Variants in STRN3 observed in about 807,000 individuals in gnomAD.
STRN3 encodes striatin-3.
Under a neutral mutation model 95.6 loss-of-function variants are expected in STRN3, and 29 were observed. That is an observed-to-expected ratio of 0.30 (90% CI 0.23 to 0.41). The LOEUF (loss-of-function observed/expected upper bound fraction) is 0.41. STRN3 is among the 10% of genes least tolerant of loss of function. The pLI, the probability that STRN3 is intolerant of heterozygous loss-of-function variation, is 1.00. For synonymous variants in STRN3, 331 were observed against 357.6 expected (o/e 0.93, Z 0.84); for missense variants, 890 against 972.1 (o/e 0.92, Z 1.12).
At chr14:30,913,278 G>A (rs1256906324) in intron 10 of STRN3, among the ~76,000 whole-genome samples, 2 of 151,882 alleles carry the variant, frequency 1.3e-5, no homozygotes, top group African/African-American at 4.8e-5. Flanking sequence ...TACTCAAGAT[G>A]TATTTACTGA....
chr14:30,991,371 G>A (rs1186050499), intron 1 of STRN3, among the ~76,000 whole-genome samples: 35 of 152,102 alleles, frequency 2.3e-4, no homozygotes, highest in Non-Finnish European at 1.5e-5. Context: ...ATCATACATA[G>A]GGCAATACAA....
intron 7 of STRN3, among the ~76,000 whole-genome samples, chr14:30,933,302 A>AAAC (rs1878646524): frequency 6.6e-6 from 1 of 150,706 alleles, no homozygotes; most frequent in Non-Finnish European, 1.5e-5. Flanking sequence ...AAAAAAAAAA[A>AAAC]AAACGATGCA....
chr14:31,014,964 A>AT (rs1354880367), intron 1 of STRN3, among the ~76,000 whole-genome samples: 2 of 151,942 alleles, frequency 1.3e-5, no homozygotes, highest in Non-Finnish European at 2.9e-5. Context: ...AGTAGGTGGG[A>AT]TTACAGGCAT....
chr14:31,014,813 T>TA (rs527397877), intron 1 of STRN3: 60,463 of 338,982 alleles, frequency 0.18, 43 homozygotes, highest in South Asian at 0.28. Flanking sequence ...AAAACCACTT[T>TA]AAAAAAAAAA....
intron 7 of STRN3, among the ~76,000 whole-genome samples, chr14:30,932,891 C>A (rs577638666): frequency 6.6e-6 from 1 of 152,082 alleles, no homozygotes; most frequent in Non-Finnish European, 1.5e-5. Flanking sequence ...CGATCATTTT[C>A]TTTTTAATGA....
In STRN3 at chr14:30,894,691, A is replaced by G. The variant is rs1896079833; in HGVS notation, c.*720T>C. 5.8e-6 allele frequency: 1 copy of G among 173,694 alleles called. No homozygotes were observed. The highest frequency in any genetic ancestry group is 6.4e-5 in the Admixed American group (1 of 15,748). The allele number at this position is 173,694 out of a possible 1,614,324, so 10.8% of individuals were successfully genotyped here. A position where few individuals can be genotyped will look rare whatever the true frequency, so the allele number is the denominator to read the frequency against. On this transcript the variant is annotated 3_prime_UTR_variant, in exon 18 of 18. Transcript: ENST00000357479. ...GGACTTAGCTGAGCTGTATTAGGCA[A>G]AAGAAGGAAAGAAAGTGGTTACAGG...
At chr14:30,966,956 CCAGGACAAG>C (rs1396209874) in intron 1 of STRN3, among the ~76,000 whole-genome samples, 1 of 151,850 alleles carries the variant, frequency 6.6e-6, no homozygotes, top group East Asian at 1.9e-4. Flanking sequence ...GGTCAACCTC[CCAGGACAAG>C]CAGGACAAGA....
At chr14:30,922,901 A>G (rs954033755) in intron 8 of STRN3, among the ~76,000 whole-genome samples, 1 of 152,196 alleles carries the variant, frequency 6.6e-6, no homozygotes, top group African/African-American at 2.4e-5. Context: ...TAGGCAAAAT[A>G]CCTAAGTTAT....
At chr14:30,935,327 G>T (rs1200583743) in intron 6 of STRN3, 23 bp from the exon 7 acceptor site, 18 of 1,602,594 alleles carry the variant, frequency 1.1e-5, no homozygotes, top group Non-Finnish European at 1.4e-5. Context: ...TATAAACCAA[G>T]AATTACTTTT....
chr14:30,902,291 G>C (rs887580481), intron 16 of STRN3, among the ~76,000 whole-genome samples: 5 of 149,976 alleles, frequency 3.3e-5, no homozygotes, highest in African/African-American at 1.2e-4. Context: ...ATTTCAAATG[G>C]AAGGATCTAC....
intron 5 of STRN3, among the ~76,000 whole-genome samples, chr14:30,945,817 G>A (rs936210344): frequency 1.3e-5 from 2 of 152,182 alleles, no homozygotes; most frequent in African/African-American, 4.8e-5. Context: ...ACAGAGAGTA[G>A]ATTAGTGGTA....
intron 5 of STRN3, among the ~76,000 whole-genome samples, chr14:30,946,721 T>A (rs1827873958): frequency 6.6e-6 from 1 of 152,210 alleles, no homozygotes; most frequent in Non-Finnish European, 1.5e-5. Context: ...CTCACGCCTG[T>A]AATCCCAGCA....
intron 1 of STRN3, among the ~76,000 whole-genome samples, chr14:31,004,805 G>A (rs1244098073): frequency 6.6e-6 from 1 of 151,910 alleles, no homozygotes; most frequent in East Asian, 1.9e-4. Flanking sequence ...TTAAATCTTG[G>A]GGGAAAGTGA....
chr14:30,902,706 C>A (rs376883112), intron 15 of STRN3, 63 bp from the exon 16 acceptor site: 10 of 1,037,780 alleles, frequency 9.6e-6, no homozygotes, highest in South Asian at 7.2e-5. Flanking sequence ...TGGATAATGG[C>A]CTTTTTAATC....
chr14:30,929,160 A>T (rs1463503852), intron 8 of STRN3, 41 bp downstream of exon 8: 2 of 1,501,408 alleles, frequency 1.3e-6, no homozygotes, highest in Admixed American at 2.1e-5. Context: ...TTTCTCAATT[A>T]TTGGTATACA....
intron 1 of STRN3, among the ~76,000 whole-genome samples, chr14:30,989,306 T>C (rs1881838594): frequency 6.6e-6 from 1 of 152,152 alleles, no homozygotes; most frequent in African/African-American, 2.4e-5. Context: ...CACCCATACC[T>C]GGAAGAGATG....
chr14:30,963,536 G>A (rs1286984088), intron 1 of STRN3, among the ~76,000 whole-genome samples: 2 of 152,146 alleles, frequency 1.3e-5, no homozygotes, highest in African/African-American at 2.4e-5. Flanking sequence ...AGCCTCCCGA[G>A]TAGCTGGGAC....
intron 1 of STRN3, among the ~76,000 whole-genome samples, chr14:30,974,997 C>A (rs541210628): frequency 8.0e-5 from 12 of 150,568 alleles, no homozygotes; most frequent in African/African-American, 2.2e-4. Flanking sequence ...GAGGTGCCTG[C>A]GCTGCCTGTG....
intron 6 of STRN3, 96 bp downstream of exon 6, chr14:30,936,399 G>T: frequency 7.4e-7 from 1 of 1,356,860 alleles, no homozygotes; most frequent in South Asian, 1.5e-5. Context: ...AAGTAAAGAT[G>T]ATCAATCACT....
Sources: allele counts gnomAD v4.1 joint callset (sites outside exome capture counted in the v4.1 genomes callset), GRCh38; gene constraint gnomAD v4.1.1; transcripts MANE v1.5; gene names NCBI Gene and HGNC (gene_info 2026-07-23, HGNC 2026-07-21).